Variants in PCLO observed in about 807,000 individuals in gnomAD.
PCLO encodes protein piccolo.
Under a neutral mutation model 427.5 loss-of-function variants are expected in PCLO, and 82 were observed. That is an observed-to-expected ratio of 0.19 (90% CI 0.16 to 0.23). The LOEUF is 0.23. Among genes scored for constraint, PCLO ranks in the 10% least tolerant of loss-of-function variants. The pLI, the probability that PCLO is intolerant of heterozygous loss-of-function variation, is 1.00. For synonymous variants in PCLO, 2,357 were observed against 2,155.4 expected, an observed-to-expected ratio of 1.09 and a Z score of -2.59; for missense variants, 6,239 against 6,115.9, an observed-to-expected ratio of 1.02 and a Z score of -0.67.
At chr7:82,836,944 T>C (rs947436867) in intron 15 of PCLO, among the ~76,000 whole-genome samples, 5 of 152,102 alleles carry the variant, frequency 3.3e-5, no homozygotes, top group South Asian at 4.1e-4. Context: ...TAGAAAACAG[T>C]CTATTTTGGT....
chr7:82,912,893 A>G (rs1055818750), intron 7 of PCLO, among the ~76,000 whole-genome samples: 5 of 152,168 alleles, frequency 3.3e-5, no homozygotes, highest in African/African-American at 1.2e-4. Flanking sequence ...TGTACACACA[A>G]TCTTAAGGCA....
intron 3 of PCLO, among the ~76,000 whole-genome samples, chr7:83,052,813 A>G (rs757560401): frequency 1.3e-5 from 2 of 151,930 alleles, no homozygotes; most frequent in Non-Finnish European, 2.9e-5. Context: ...CATTTTAATC[A>G]TATCATGTAA....
intron 6 of PCLO, among the ~76,000 whole-genome samples, chr7:82,943,375 A>C (rs1795127619): frequency 6.6e-6 from 1 of 152,222 alleles, no homozygotes; most frequent in Non-Finnish European, 1.5e-5. Flanking sequence ...ATAACATTTT[A>C]ATTGTAGCTA....
At chr7:83,065,503 A>G (rs555476613) in intron 3 of PCLO, among the ~76,000 whole-genome samples, 4 of 151,000 alleles carry the variant, frequency 2.6e-5, no homozygotes, top group African/African-American at 9.7e-5. Flanking sequence ...AAATGTAAAA[A>G]AAAAAAAAAA....
At chr7:82,882,855 A>T (rs897740379) in intron 9 of PCLO, among the ~76,000 whole-genome samples, 2 of 152,104 alleles carry the variant, frequency 1.3e-5, no homozygotes, top group African/African-American at 4.8e-5. Flanking sequence ...TTTGCATTTA[A>T]ATTTACAGAT....
chr7:83,003,838 G>T (rs1787882110), intron 3 of PCLO, among the ~76,000 whole-genome samples: 1 of 151,114 alleles, frequency 6.6e-6, no homozygotes, highest in Non-Finnish European at 1.5e-5. Flanking sequence ...CTTTCATATC[G>T]GGGTAATTCT....
intron 3 of PCLO, among the ~76,000 whole-genome samples, chr7:83,070,548 G>A (rs577175973): frequency 1.8e-4 from 27 of 152,034 alleles, no homozygotes; most frequent in Non-Finnish European, 3.2e-4. Flanking sequence ...CACCGTGTCC[G>A]GCTAATTTTT....
intron 9 of PCLO, chr7:82,880,432 C>T (rs1190575017): frequency 2.5e-6 from 1 of 404,354 alleles, no homozygotes; most frequent in Non-Finnish European, 5.1e-6. Flanking sequence ...TTTGTAGAGA[C>T]AAGGTCTCAC....
intron 20 of PCLO, chr7:82,821,607 G>T: frequency 1.0e-6 from 1 of 965,950 alleles, no homozygotes; most frequent in Non-Finnish European, 1.2e-6. Context: ...TATATCAATC[G>T]ACTAAATTTT....
chr7:83,076,962 G>A (rs1024524724), intron 3 of PCLO, among the ~76,000 whole-genome samples: 1 of 148,210 alleles, frequency 6.7e-6, no homozygotes, highest in Non-Finnish European at 1.5e-5. Flanking sequence ...TACATTTAGA[G>A]CATAATAGCC....
chr7:82,968,726 C>G (rs575123112), intron 3 of PCLO, among the ~76,000 whole-genome samples: 1 of 151,780 alleles, frequency 6.6e-6, no homozygotes, highest in Non-Finnish European at 1.5e-5. Context: ...CACCATGTTA[C>G]CTAGGATTGG....
intron 3 of PCLO, among the ~76,000 whole-genome samples, chr7:83,014,590 G>A (rs2116014374): frequency 6.6e-6 from 1 of 151,814 alleles, no homozygotes; most frequent in Middle Eastern, 3.4e-3. Flanking sequence ...GTTCAACATT[G>A]CAATATAGAA....
At chr7:82,957,626 A>G (rs17156898) in intron 4 of PCLO, among the ~76,000 whole-genome samples, 8,925 of 152,260 alleles carry the variant, frequency 0.059, 863 homozygotes, top group African/African-American at 0.2. Flanking sequence ...ACTTTGAAAA[A>G]GTTATACAAT....
At chr7:82,913,574 CA>C (rs2116253865) in intron 7 of PCLO, among the ~76,000 whole-genome samples, 1 of 152,050 alleles carries the variant, frequency 6.6e-6, no homozygotes, top group Non-Finnish European at 1.5e-5. Flanking sequence ...GACCAAGAGT[CA>C]AGAGTCATGA....
chr7:82,800,106 C>T (rs935990138), intron 22 of PCLO, among the ~76,000 whole-genome samples: 5 of 152,022 alleles, frequency 3.3e-5, no homozygotes, highest in African/African-American at 1.2e-4. Context: ...GAGGGTGGAA[C>T]CCTGAAGTAT....
At chr7:82,887,025 A>G (rs1182821185) in intron 9 of PCLO, among the ~76,000 whole-genome samples, 5 of 152,154 alleles carry the variant, frequency 3.3e-5, no homozygotes, top group Non-Finnish European at 7.4e-5. Flanking sequence ...TCTCTTCAGT[A>G]TTGTCTTCAG....
intron 3 of PCLO, among the ~76,000 whole-genome samples, chr7:83,044,724 T>C (rs1028131160): frequency 2.0e-5 from 3 of 152,114 alleles, no homozygotes; most frequent in Non-Finnish European, 2.9e-5. Flanking sequence ...TTGCATACTT[T>C]GGAACACTAA....
chr7:82,927,159 T>C (rs1794731806), intron 6 of PCLO, among the ~76,000 whole-genome samples: 1 of 152,178 alleles, frequency 6.6e-6, no homozygotes. Context: ...TTCTTTCGGA[T>C]ACTCATTTTT....
chr7:82,775,190 T>G (rs1790724453), intron 22 of PCLO, among the ~76,000 whole-genome samples: 1 of 152,244 alleles, frequency 6.6e-6, no homozygotes, highest in Admixed American at 6.5e-5. Context: ...CTTAAGCTGC[T>G]ATAAACATCC....
Sources: gnomAD v4.1 joint callset for allele counts (sites outside exome capture counted in the v4.1 genomes callset) on GRCh38, gnomAD v4.1.1 for gene constraint, MANE v1.5 for transcripts, NCBI Gene and HGNC (gene_info 2026-07-23, HGNC 2026-07-21) for gene names.